IFT56: variants seen among roughly 807,000 people sequenced by gnomAD.
IFT56 encodes intraflagellar transport protein 56.
chr7:139,137,791 C>A, the IFT56 span: 1 of 1,429,336 alleles, frequency 7.0e-7, no homozygotes, highest in Non-Finnish European at 9.8e-7. Context: ...TTTTTTTAAA[C>A]AGAGAGTTTA....
chr7:139,168,261 T>C, the IFT56 span: 5 of 826,470 alleles, frequency 6.0e-6, no homozygotes, highest in Non-Finnish European at 9.4e-6. Context: ...TTATATAAAG[T>C]ATTGAGTTAA....
the IFT56 span, among the ~76,000 whole-genome samples, chr7:139,163,243 G>A: frequency 6.7e-6 from 1 of 149,412 alleles, no homozygotes; most frequent in South Asian, 2.1e-4. Context: ...TCAGGAGGCT[G>A]AGGCAGGAGA....
chr7:139,138,526 T>G, the IFT56 span, among the ~76,000 whole-genome samples: 1 of 152,200 alleles, frequency 6.6e-6, no homozygotes, highest in African/African-American at 2.4e-5. Flanking sequence ...ACATGTATCT[T>G]GTGTACGTTT....
the IFT56 span, among the ~76,000 whole-genome samples, chr7:139,138,503 C>T: frequency 5.5e-3 from 832 of 152,248 alleles, 10 homozygotes; most frequent in African/African-American, 0.019. Flanking sequence ...TAAAGGAGGG[C>T]TACTGTATAT....
chr7:139,181,457 T>C, the IFT56 span, among the ~76,000 whole-genome samples: 3 of 152,346 alleles, frequency 2.0e-5, no homozygotes, highest in Non-Finnish European at 2.9e-5. Context: ...TTAGTCAGCG[T>C]TGATGTACAG....
chr7:139,144,920 C>T, the IFT56 span, among the ~76,000 whole-genome samples: 1 of 152,066 alleles, frequency 6.6e-6, no homozygotes, highest in African/African-American at 2.4e-5. Flanking sequence ...ACAGCTGTTT[C>T]CTGGTTTTCA....
the IFT56 span, chr7:139,173,224 CCTTT>C: frequency 2.2e-6 from 1 of 458,908 alleles, no homozygotes; most frequent in Non-Finnish European, 3.9e-6. Context: ...TACAAAGTCA[CCTTT>C]TTTTTTTTTT....
At chr7:139,158,354 G>T in the IFT56 span, among the ~76,000 whole-genome samples, 1 of 145,258 alleles carries the variant, frequency 6.9e-6, no homozygotes, top group Non-Finnish European at 1.5e-5. Context: ...AAATATCCTT[G>T]TAAGGTTTTT....
chr7:139,152,399 T>G, the IFT56 span, among the ~76,000 whole-genome samples: 1 of 152,236 alleles, frequency 6.6e-6, no homozygotes, highest in Non-Finnish European at 1.5e-5. Flanking sequence ...AGCTCTGGAA[T>G]TACAGGCATG....
At chr7:139,184,938 C>G in the IFT56 span, among the ~76,000 whole-genome samples, 1 of 151,582 alleles carries the variant, frequency 6.6e-6, no homozygotes, top group Non-Finnish European at 1.5e-5. Flanking sequence ...CCTGTAGTCC[C>G]AGCTACTCAG....
the IFT56 span, among the ~76,000 whole-genome samples, chr7:139,177,611 A>AGTTGTGTGTGTGT: frequency 6.7e-6 from 1 of 148,476 alleles, no homozygotes; most frequent in African/African-American, 2.5e-5. Flanking sequence ...ATATATATAT[A>AGTTGTGTGTGTGT]GTGTGTGTGT....
At chr7:139,147,560 A>G in the IFT56 span, among the ~76,000 whole-genome samples, 2 of 152,156 alleles carry the variant, frequency 1.3e-5, no homozygotes, top group Non-Finnish European at 2.9e-5. Context: ...ATATATATCC[A>G]TATATGTACT....
chr7:139,166,883 TA>T, the IFT56 span: 1 of 1,584,644 alleles, frequency 6.3e-7, no homozygotes, highest in Non-Finnish European at 8.6e-7. Context: ...ATCTGGAACC[TA>T]CTACTCCTCA....
At chr7:139,165,643 C>T in the IFT56 span, among the ~76,000 whole-genome samples, 1 of 151,976 alleles carries the variant, frequency 6.6e-6, no homozygotes, top group Non-Finnish European at 1.5e-5. Flanking sequence ...TCTGCCTTTC[C>T]GTTTCTTTGT....
chr7:139,190,541 G>A, the IFT56 span: 1 of 152,212 alleles, frequency 6.6e-6, no homozygotes, highest in Non-Finnish European at 1.5e-5. Context: ...CACCGCGCCT[G>A]GCCCAAACAT....
the IFT56 span, among the ~76,000 whole-genome samples, chr7:139,151,497 AG>A: frequency 6.6e-6 from 1 of 152,134 alleles, no homozygotes; most frequent in Non-Finnish European, 1.5e-5. Flanking sequence ...GGAATCAGAT[AG>A]ACCCAAATTT....
At chr7:139,158,313 C>CAAAAAAAA in the IFT56 span, among the ~76,000 whole-genome samples, 4 of 115,386 alleles carry the variant, frequency 3.5e-5, no homozygotes, top group South Asian at 1.2e-3. Flanking sequence ...GACGCCATCT[C>CAAAAAAAA]AAAAAAAAAA....
chr7:139,138,770 C>G, the IFT56 span, among the ~76,000 whole-genome samples: 3 of 151,060 alleles, frequency 2.0e-5, no homozygotes, highest in African/African-American at 7.3e-5. Flanking sequence ...ATTGTAAACC[C>G]TACCCATCTA....
the IFT56 span, among the ~76,000 whole-genome samples, chr7:139,174,693 T>C: frequency 1.3e-5 from 2 of 152,128 alleles, no homozygotes; most frequent in Non-Finnish European, 2.9e-5. Context: ...AATTTAAAAA[T>C]GAGCAAAAGC....
Sources: gnomAD v4.1 joint callset for allele counts (sites outside exome capture counted in the v4.1 genomes callset) on GRCh38, gnomAD v4.1.1 for gene constraint, MANE v1.5 for transcripts, NCBI Gene and HGNC (gene_info 2026-07-23, HGNC 2026-07-21) for gene names.